MAST2: variants seen among roughly 807,000 people sequenced by gnomAD.
The protein encoded by MAST2 is microtubule-associated serine/threonine-protein kinase 2.
A neutral mutation model predicts 147.4 loss-of-function variants in MAST2; 70 were observed. The ratio of observed to expected loss-of-function variants is 0.47; its 90% CI spans 0.39 to 0.58. The LOEUF is 0.58. Ranked by LOEUF, MAST2 falls within the 20% of genes least tolerant of loss-of-function variation. MAST2 has a pLI of 0.00. For missense variants in MAST2, 2,080 were observed against 2,302.3 expected, an observed-to-expected ratio of 0.90 and a Z score of 1.98; for synonymous variants, 869 against 896.8, an observed-to-expected ratio of 0.97 and a Z score of 0.55.
chr1:45,838,324 C>T (rs551972053), intron 3 of MAST2, among the ~76,000 whole-genome samples: 2 of 147,038 alleles, frequency 1.4e-5, no homozygotes, highest in South Asian at 4.3e-4. Context: ...GGTTCAAGCA[C>T]TTCTTTTGCC....
rs201977177 is a variant in MAST2, at chr1:46,035,313, G to A, written c.4644G>A (p.Pro1548=). 1.2e-5 allele frequency: 20 copies of A among 1,613,942 alleles called. No individual in the cohort carries two copies. Among genetic ancestry groups the A allele is most frequent in the East Asian group, 4.5e-5 (2 of 44,856 alleles). The part of the protein sequence containing the change: ...AGESGEEDPF[P]SRDPRSLGPM... Reference sequence around the variant, plus strand: ...AGAGTGGGGAAGAGGATCCTTTCCCGTCCAGAGACCCTAGGAGCCTGGGCC... The same window carrying A: ...AGAGTGGGGAAGAGGATCCTTTCCCATCCAGAGACCCTAGGAGCCTGGGCC... The change falls in exon 29 of 29, where the codon CCG becomes CCA. Residue 1548 remains proline (P), a synonymous_variant. Coordinates refer to ENST00000361297, the MANE Select transcript of MAST2 (RefSeq NM_015112.3). This position sits in a 1 kb window ranked among gnomAD's most constrained non-coding sequence, Gnocchi z 5.5.
intron 1 of MAST2, among the ~76,000 whole-genome samples, chr1:45,814,918 T>C (rs1425434172): frequency 6.6e-6 from 1 of 152,246 alleles, no homozygotes; most frequent in Non-Finnish European, 1.5e-5. Context: ...TTATGGATTT[T>C]TTTATTAAGT....
In MAST2 at chr1:46,023,347, G is replaced by T; in HGVS notation, c.1571+29G>T. On this transcript the variant is annotated intron_variant, in intron 14 of 28. Coordinates refer to ENST00000361297, the MANE Select transcript of MAST2 (RefSeq NM_015112.3). This position sits in a 1 kb window ranked among gnomAD's most constrained non-coding sequence, Gnocchi z 4.9. Reference sequence around the variant, plus strand: ...AAGGCAGGGGTCAGGGTGTGGCCAGGACTGAAGCCGGGTCAGCCTTTGATC... The same window carrying T: ...AAGGCAGGGGTCAGGGTGTGGCCAGTACTGAAGCCGGGTCAGCCTTTGATC... 1 of 1,597,906 alleles carries T rather than the reference G, an allele frequency of 6.3e-7. No homozygotes were observed. The highest frequency in any genetic ancestry group is 8.6e-7 in the Non-Finnish European group (1 of 1,165,716).
chr1:45,909,414 G>A (rs953210329), intron 4 of MAST2, among the ~76,000 whole-genome samples: 1 of 151,804 alleles, frequency 6.6e-6, no homozygotes, highest in African/African-American at 2.4e-5. Flanking sequence ...ATTGTTTTCT[G>A]TGACTATTTT....
intron 10 of MAST2, among the ~76,000 whole-genome samples, chr1:46,019,322 G>A (rs1646087517): frequency 1.3e-5 from 2 of 152,174 alleles, no homozygotes; most frequent in South Asian, 4.1e-4. Flanking sequence ...GCTAGGGTCT[G>A]GAGGGTAAGT....
intron 5 of MAST2, among the ~76,000 whole-genome samples, chr1:45,983,280 G>A (rs988079766): frequency 3.3e-5 from 5 of 152,072 alleles, no homozygotes; most frequent in African/African-American, 1.2e-4. Context: ...ATCATATGAT[G>A]CCTTTCATTC....
rs368835660 is a variant in MAST2 at position 45,930,102 on chromosome 1, AG to A, written c.501-29278del. 3.3e-3 allele frequency among the ~76,000 whole-genome samples: 504 copies of A among 152,136 alleles called. 3 individuals are homozygous for A. Among genetic ancestry groups the A allele is most frequent in the African/African-American group, 0.011 (471 of 41,510 alleles). ...TTCCTAAAGGATGAAGTTTGTTTTG[AG>A]GGGGGATGGAATTTCTCTGTCGCCC... is the stretch of plus-strand genomic sequence containing the variant. On this transcript the variant is annotated intron_variant, in intron 4 of 28. Transcript: ENST00000361297.
At chr1:45,948,484 G>A (rs983162222) in intron 4 of MAST2, among the ~76,000 whole-genome samples, 1 of 152,034 alleles carries the variant, frequency 6.6e-6, no homozygotes, top group African/African-American at 2.4e-5. Flanking sequence ...AAGGCGGGTG[G>A]ATCATGAGGT....
intron 4 of MAST2, among the ~76,000 whole-genome samples, chr1:45,956,113 T>C (rs1659625202): frequency 6.6e-6 from 1 of 152,222 alleles, no homozygotes; most frequent in African/African-American, 2.4e-5. Flanking sequence ...TTGGATCAAC[T>C]AAACAATTTG....
In MAST2 at chr1:45,862,493, T is replaced by A. The variant is rs1557843082; in HGVS notation, c.469-19871T>A. Among the ~76,000 whole-genome samples the A allele has an allele frequency of 2.6e-5, 4 of 151,608 alleles. No individual in the cohort carries two copies. The South Asian group carries it at 8.4e-4, about 32-fold the overall frequency. ...TAGATAGTGAGGACTGAAGATTTTT[T>A]TTTTTTTTTTTTAACCTTGAGTGGC... On this transcript the variant is annotated intron_variant, in intron 3 of 28. Transcript: ENST00000361297.
At chr1:45,987,762 GTTTTTTTTTTTTTGA>G (rs1644688585) in intron 5 of MAST2, among the ~76,000 whole-genome samples, 4 of 62,742 alleles carry the variant, frequency 6.4e-5, no homozygotes, top group South Asian at 6.7e-4. Context: ...AGCATTTCTT[GTTTTTTTTTTTTTGA>G]TTTTTTTTTT....
chr1:46,024,036 C>T, intron 15 of MAST2, 56 bp downstream of exon 15: 1 of 1,548,666 alleles, frequency 6.5e-7, no homozygotes, highest in Non-Finnish European at 8.9e-7. Flanking sequence ...GAGACTTAGC[C>T]TTAAACAGGG....
intron 4 of MAST2, among the ~76,000 whole-genome samples, chr1:45,890,025 T>G (rs1296851856): frequency 6.6e-6 from 1 of 152,318 alleles, no homozygotes; most frequent in Non-Finnish European, 1.5e-5. Context: ...ATTACAGGCA[T>G]GAGCCCCCGT....
intron 3 of MAST2, among the ~76,000 whole-genome samples, chr1:45,855,500 C>T (rs1645758468): frequency 6.6e-6 from 1 of 151,880 alleles, no homozygotes. Context: ...TATTTTCATG[C>T]TGCTTGCCAG....
intron 4 of MAST2, among the ~76,000 whole-genome samples, chr1:45,925,815 A>G (rs1249133948): frequency 6.6e-6 from 1 of 152,188 alleles, no homozygotes; most frequent in African/African-American, 2.4e-5. Context: ...TTGCTTGAAC[A>G]TCTTCAGCAA....
rs35095652 is a variant in MAST2, at chr1:45,812,425, C to CTTT, written c.177+8372_177+8374dup. ...TTGGCCTAAAGATCAATCTGTAAGC[C>CTTT]TTTTTTTTTTTTTTTTTTTTTAGAC... On this transcript the variant is annotated intron_variant, in intron 1 of 28. Transcript: ENST00000361297. Among the ~76,000 whole-genome samples the CTTT allele has an allele frequency of 4.9e-4, 60 of 121,654 alleles. No individual in the cohort carries two copies. The East Asian group carries it at 0.011, about 22-fold the overall frequency. The allele number at this position is 121,654 out of a possible 152,430, so 79.8% of individuals were successfully genotyped here. A position where few individuals can be genotyped will look rare whatever the true frequency, so the allele number is the denominator to read the frequency against.
In MAST2 at chr1:45,903,424, C is replaced by T. The variant is rs187567171; in HGVS notation, c.500+21029C>T. ...GGATTACAGGCATGAGCCACTGTGCCTGGCCTAAACTTAACTTAGCAGTCT... is the reference window on the plus strand; with the variant it reads ...GGATTACAGGCATGAGCCACTGTGCTTGGCCTAAACTTAACTTAGCAGTCT... On this transcript the variant is annotated intron_variant, in intron 4 of 28. Coordinates refer to ENST00000361297, the MANE Select transcript of MAST2 (RefSeq NM_015112.3). 2.4e-4 allele frequency among the ~76,000 whole-genome samples: 37 copies of T among 152,310 alleles called. No homozygotes were observed. The East Asian group carries it at 4.1e-3, about 17-fold the overall frequency.
chr1:45,868,432 G>A (rs905081952), intron 3 of MAST2, among the ~76,000 whole-genome samples: 4 of 152,172 alleles, frequency 2.6e-5, no homozygotes, highest in African/African-American at 9.7e-5. Context: ...TGTATAGACA[G>A]TGCAATTTCC....
Position 46,030,191 on chromosome 1 carries a change from TGCCTTGAGATCC to T in MAST2, c.2510_2521del (p.Leu837_Arg840del), listed in dbSNP as rs1421838467. Reference sequence around the variant, plus strand: ...TGAGGAAGAAGTGAGTGAGGATGGCTGCCTTGAGATCCGCCAGTTCTCTTCCTGCTCTCCAAG... The same window carrying T: ...TGAGGAAGAAGTGAGTGAGGATGGCTGCCAGTTCTCTTCCTGCTCTCCAAG... On this transcript the variant is annotated inframe_deletion, in exon 21 of 29. Coordinates refer to ENST00000361297, the MANE Select transcript of MAST2 (RefSeq NM_015112.3). 1 of 1,614,242 alleles carries T rather than the reference TGCCTTGAGATCC, an allele frequency of 6.2e-7. No individual in the cohort carries two copies. The highest frequency in any genetic ancestry group is 1.3e-5 in the African/African-American group (1 of 75,074).
Sources: allele counts gnomAD v4.1 joint callset (sites outside exome capture counted in the v4.1 genomes callset), GRCh38; gene constraint gnomAD v4.1.1; non-coding constraint Gnocchi (gnomAD v3.1); transcripts MANE v1.5; gene names NCBI Gene and HGNC (gene_info 2026-07-23, HGNC 2026-07-21).